The following SLITRK3 variants were observed in gnomAD, a reference collection of about 807,000 sequenced individuals.
SLITRK3 encodes SLIT and NTRK-like protein 3.
In SLITRK3, 16 loss-of-function variants were observed where a neutral mutation model predicts 63.6. The observed-to-expected ratio is 0.25, with a 90% CI of 0.17 to 0.38. The LOEUF (loss-of-function observed/expected upper bound fraction) is 0.38. SLITRK3 is among the 10% of genes least tolerant of loss of function. The probability of loss-of-function intolerance (pLI) is 1.00; values close to 1 mark genes in which losing one functional copy is unlikely to be tolerated. For missense variants in SLITRK3, 1,117 were observed against 1,181.4 expected (o/e 0.95, Z 0.80); for synonymous variants, 547 against 451.6 (o/e 1.21, Z -2.68).
intron 1 of SLITRK3, among the ~76,000 whole-genome samples, chr3:165,194,666 G>A (rs1446028786): frequency 6.6e-6 from 1 of 151,928 alleles, no homozygotes; most frequent in Non-Finnish European, 1.5e-5. Flanking sequence ...GTGCAGAGGC[G>A]GTGACTATTT....
Position 165,189,869 on chromosome 3 carries a change from G to A in SLITRK3, c.962C>T (p.Ala321Val), listed in dbSNP as rs767562341. ...TGAGGACTTGTATTCGACAGAAGAA[G>A]CAGTAAAATGAACAGAGGATAGCAT... is the stretch of plus-strand genomic sequence containing the variant. ...SSMLSSVHFTASSVEYKSSNK... is the reference protein window; with the variant it reads ...SSMLSSVHFTVSSVEYKSSNK... The change falls in exon 2 of 2, where the codon GCT becomes GTT. Residue 321 changes from alanine to valine, a missense_variant. Physicochemically the swap from Ala to Val is moderately conservative, Grantham distance 64. This residue lies in a region of SLITRK3 where 452 missense variants were observed against 495.3 expected (regional missense o/e 0.91). Coordinates refer to ENST00000475390, the MANE Select transcript of SLITRK3 (RefSeq NM_001318810.2). The surrounding 1 kb of genome is among the most constrained non-coding windows in gnomAD (Gnocchi z 4.0). 2 of 1,614,166 alleles carry A rather than the reference G, an allele frequency of 1.2e-6. No homozygotes were observed. Among genetic ancestry groups the A allele is most frequent in the Admixed American group, 1.7e-5 (1 of 60,020 alleles).
chr3:165,187,211 AGTGTGTGT>A lies in SLITRK3; in HGVS notation c.*678_*685del, dbSNP rs34713758. On this transcript the variant is annotated 3_prime_UTR_variant, in exon 2 of 2. Transcript: ENST00000475390. ...ATTGAGTTGAATGGAAATGGTATGG[AGTGTGTGT>A]GTGTGTGTGTGTGTGTGTGTGTGTG... 2,572 of 141,252 alleles carry A rather than the reference AGTGTGTGT, an allele frequency of 0.018. 69 individuals carry two copies. Among genetic ancestry groups the A allele is most frequent in the African/African-American group, 0.06 (2,249 of 37,726 alleles). 8.7% of individuals were successfully genotyped at this position (141,252 alleles called of 1,614,324 possible).
At position 165,195,676 on chromosome 3, in the gene SLITRK3, A is replaced by C. The variant is rs566794067; in HGVS notation, c.-118T>G. 6.5e-6 allele frequency: 1 copy of C among 152,834 alleles called. No homozygotes were observed. Among genetic ancestry groups the C allele is most frequent in the South Asian group, 2.1e-4 (1 of 4,830 alleles). 9.5% of individuals were successfully genotyped at this position (152,834 alleles called of 1,614,324 possible). A position where few individuals can be genotyped will look rare whatever the true frequency, so the allele number is the denominator to read the frequency against. On this transcript the variant is annotated 5_prime_UTR_variant, in exon 1 of 2. Transcript: ENST00000475390. Reference sequence around the variant, plus strand: ...TGCGAAGCTGAATTGTATCCATCATACTGTAGCCTTGTAGCTTCTCCTCTT... The same window carrying C: ...TGCGAAGCTGAATTGTATCCATCATCCTGTAGCCTTGTAGCTTCTCCTCTT...
chr3:165,193,880 G>T (rs563668679), intron 1 of SLITRK3, among the ~76,000 whole-genome samples: 2 of 152,282 alleles, frequency 1.3e-5, no homozygotes, highest in African/African-American at 2.4e-5. Flanking sequence ...ATCCTAGGGA[G>T]TAGTGGGAGT....
At chr3:165,191,632 G>A (rs1417266000) in intron 1 of SLITRK3, among the ~76,000 whole-genome samples, 2 of 152,124 alleles carry the variant, frequency 1.3e-5, no homozygotes, top group Non-Finnish European at 2.9e-5. Flanking sequence ...TAAAAAACAT[G>A]CCCGTGCAAT....
intron 1 of SLITRK3, among the ~76,000 whole-genome samples, chr3:165,194,707 G>A (rs1341990699): frequency 6.6e-6 from 1 of 151,832 alleles, no homozygotes; most frequent in African/African-American, 2.4e-5. Flanking sequence ...ATGATGTGAT[G>A]GAATCGATGG....
In SLITRK3 at chr3:165,190,222, T is replaced by G; in HGVS notation, c.609A>C (p.Leu203=). ...FKAVSLTHLD[L]RGNRLKVLFY... Reference sequence around the variant, plus strand: ...AAAGAACCTTTAACCTATTTCCACGTAGGTCCAAATGGGTTAAAGAGACAG... The same window carrying G: ...AAAGAACCTTTAACCTATTTCCACGGAGGTCCAAATGGGTTAAAGAGACAG... Residue 203 remains leucine (L), a synonymous_variant, in exon 2 of 2, where the codon CTA becomes CTC. Coordinates refer to ENST00000475390, the MANE Select transcript of SLITRK3 (RefSeq NM_001318810.2). 1 of 1,614,198 alleles carries G rather than the reference T, an allele frequency of 6.2e-7. No homozygotes were observed. The highest frequency in any genetic ancestry group is 8.5e-7 in the Non-Finnish European group (1 of 1,180,036).
chr3:165,189,420 G>A lies in SLITRK3; in HGVS notation c.1411C>T (p.Leu471=), dbSNP rs1476809442. The change falls in exon 2 of 2, where the codon CTG becomes TTG. Residue 471 remains leucine, a synonymous_variant. Transcript: ENST00000475390. The surrounding 1 kb of genome is among the most constrained non-coding windows in gnomAD (Gnocchi z 4.0). ...LFLNGNDIEK[L]TPGMFRGLQS... ...AGGCCTCGGAACATGCCTGGTGTCAGCTTCTCTATATCGTTGCCATTAAGG... is the reference window on the plus strand; with the variant it reads ...AGGCCTCGGAACATGCCTGGTGTCAACTTCTCTATATCGTTGCCATTAAGG... 5.6e-6 allele frequency: 9 copies of A among 1,613,308 alleles called. No individual in the cohort carries two copies. Among genetic ancestry groups the A allele is most frequent in the Non-Finnish European group, 7.6e-6 (9 of 1,180,038 alleles).
At position 165,188,012 on chromosome 3, in the gene SLITRK3, C is replaced by T; in HGVS notation, c.2819G>A (p.Gly940Glu). ...GGTTTGGTGGTCTGTGAAGCCCTTT[C>T]CAGCCGAGAAGAGAAGGGTTTCTTT... ...RLKETLLFSA[G>E]KGFTDHQTQK... The change falls in exon 2 of 2, where the codon GGA (glycine) becomes GAA (glutamate). Residue 940 changes from glycine (G) to glutamate (E), a missense_variant. Gly to Glu is a moderately conservative substitution (Grantham distance 98). Coordinates refer to ENST00000475390, the MANE Select transcript of SLITRK3 (RefSeq NM_001318810.2). 3 of 1,613,958 alleles carry T rather than the reference C, an allele frequency of 1.9e-6. No individual in the cohort carries two copies. The highest frequency in any genetic ancestry group is 1.7e-6 in the Non-Finnish European group (2 of 1,179,994).
In SLITRK3 at chr3:165,186,881, G is replaced by C. The variant is rs1008024272; in HGVS notation, c.*1016C>G. On this transcript the variant is annotated 3_prime_UTR_variant, in exon 2 of 2. Coordinates refer to ENST00000475390, the MANE Select transcript of SLITRK3 (RefSeq NM_001318810.2). ...GTGTGTGAGAGAGAAAACATTAAAA[G>C]TGCTTCCTACAAAGCTGTTAGTGAT... The C allele has an allele frequency of 6.6e-6, 1 of 152,260 alleles. No homozygotes were observed. Among genetic ancestry groups the C allele is most frequent in the Admixed American group, 6.6e-5 (1 of 15,232 alleles). 9.4% of individuals were successfully genotyped at this position (152,260 alleles called of 1,614,324 possible). A position where few individuals can be genotyped will look rare whatever the true frequency, so the allele number is the denominator to read the frequency against.
In SLITRK3 at chr3:165,189,031, A is replaced by T; in HGVS notation, c.1800T>A (p.Arg600=). 1 of 1,614,148 alleles carries T rather than the reference A, an allele frequency of 6.2e-7. No homozygotes were observed. Among genetic ancestry groups the T allele is most frequent in the Non-Finnish European group, 8.5e-7 (1 of 1,180,036 alleles). The change falls in exon 2 of 2, where the codon CGT becomes CGA. Residue 600 remains arginine (R), a synonymous_variant. Transcript: ENST00000475390. The surrounding 1 kb of genome is among the most constrained non-coding windows in gnomAD (Gnocchi z 4.0). ...LCRSPENLTH[R]DVRTIELEVL... is the part of the protein sequence containing the mutation. ...CTTCCAGCTCAATAGTGCGCACATC[A>T]CGGTGCGTGAGGTTCTCAGGGCTCC...
At position 165,193,465 on chromosome 3, in the gene SLITRK3, G is replaced by A. The variant is rs192831314; in HGVS notation, c.-22+2115C>T. 2.5e-3 allele frequency among the ~76,000 whole-genome samples: 387 copies of A among 151,982 alleles called. 1 individual carries two copies. Among genetic ancestry groups the A allele is most frequent in the African/African-American group, 9.2e-3 (380 of 41,450 alleles). On this transcript the variant is annotated intron_variant, in intron 1 of 1. Coordinates refer to ENST00000475390, the MANE Select transcript of SLITRK3 (RefSeq NM_001318810.2). ...CCATTCCCTGCAATGACGGGGATGG[G>A]GGGAAATCCAGGTCCCCAAAGCAGA...
chr3:165,189,191 A>G lies in SLITRK3; in HGVS notation c.1640T>C (p.Val547Ala). 6.2e-7 allele frequency: 1 copy of G among 1,614,170 alleles called. No individual in the cohort carries two copies. Among genetic ancestry groups the G allele is most frequent in the Non-Finnish European group, 8.5e-7 (1 of 1,180,022 alleles). Residue 547 changes from valine (V) to alanine (A), a missense_variant, in exon 2 of 2, where the codon GTC (valine) becomes GCC (alanine). This residue lies in a region of SLITRK3 where 158 missense variants were observed against 197.2 expected (regional missense o/e 0.80). Coordinates refer to ENST00000475390, the MANE Select transcript of SLITRK3 (RefSeq NM_001318810.2). This position sits in a 1 kb window ranked among gnomAD's most constrained non-coding sequence, Gnocchi z 4.0. ...GACAATGGCATTCAAGTGTTCCAGG[A>G]CACCAGCCACGGGAAGATAGAGGAA... is the stretch of plus-strand genomic sequence containing the variant. ...NYFLYLPVAGVLEHLNAIVQI... is the reference protein window; with the variant it reads ...NYFLYLPVAGALEHLNAIVQI...
rs751075128 is a variant in SLITRK3 at position 165,188,123 on chromosome 3, A to T, written c.2708T>A (p.Leu903His). Residue 903 changes from leucine to histidine, a missense_variant, in exon 2 of 2, where the codon CTC becomes CAC. Leu to His is a moderately conservative substitution (Grantham distance 99). Around this residue, in one of 4 missense-constraint regions of SLITRK3, gnomAD observed 499 missense variants for 463.6 expected, o/e 1.08. Coordinates refer to ENST00000475390, the MANE Select transcript of SLITRK3 (RefSeq NM_001318810.2). ...APCTVGFVDCLYGTVPKLKEL... is the reference protein window; with the variant it reads ...APCTVGFVDCHYGTVPKLKEL... ...CTTTAATTTGGGCACTGTTCCATAG[A>T]GACAGTCCACAAATCCCACTGTGCA... 3 of 1,613,022 alleles carry T rather than the reference A, an allele frequency of 1.9e-6. No individual in the cohort carries two copies. The highest frequency in any genetic ancestry group is 2.5e-6 in the Non-Finnish European group (3 of 1,179,758).
Position 165,187,789 on chromosome 3 carries a change from G to A in SLITRK3, c.*108C>T, listed in dbSNP as rs779084904. 1.6e-5 allele frequency: 14 copies of A among 891,154 alleles called. No individual in the cohort carries two copies. In the East Asian group the frequency reaches 1.8e-4, roughly 11 times the overall value. 55.2% of individuals were successfully genotyped at this position (891,154 alleles called of 1,614,324 possible). A position where few individuals can be genotyped will look rare whatever the true frequency, so the allele number is the denominator to read the frequency against. ...AGTTTTGTTCAGGGTAGGAAAGATC[G>A]TGAGGATGGAGTTACTGGGACAAGT... On this transcript the variant is annotated 3_prime_UTR_variant, in exon 2 of 2. Coordinates refer to ENST00000475390, the MANE Select transcript of SLITRK3 (RefSeq NM_001318810.2).
In SLITRK3 at chr3:165,193,106, AGTGTGT is replaced by A. The variant is rs35240347; in HGVS notation, c.-21-2261_-21-2256del. Among the ~76,000 whole-genome samples, 799 of 143,404 alleles carry A rather than the reference AGTGTGT, an allele frequency of 5.6e-3. 3 individuals are homozygous for A. Among genetic ancestry groups the A allele is most frequent in the Non-Finnish European group, 8.2e-3 (540 of 65,564 alleles). The allele number at this position is 143,404 out of a possible 152,430, so 94.1% of individuals were successfully genotyped here. On this transcript the variant is annotated intron_variant, in intron 1 of 1. Coordinates refer to ENST00000475390, the MANE Select transcript of SLITRK3 (RefSeq NM_001318810.2). ...GAACCCCTGACTATACAGTTGAGTG[AGTGTGT>A]GTGTGTGTGTGTGTGTGTGTGTGTG...
rs145181693 is a variant in SLITRK3 at position 165,189,834 on chromosome 3, G to A, written c.997C>T (p.Pro333Ser). ...GTTCGAGGCTGTTTGGTGGGCTTAGGCTGTTTATTTGAGGACTTGTATTCG... is the reference window on the plus strand; with the variant it reads ...GTTCGAGGCTGTTTGGTGGGCTTAGACTGTTTATTTGAGGACTTGTATTCG... ...SVEYKSSNKQPKPTKQPRTPR... is the reference protein window; with the variant it reads ...SVEYKSSNKQSKPTKQPRTPR... The change falls in exon 2 of 2, where the codon CCT (proline) becomes TCT (serine). Residue 333 changes from proline to serine, a missense_variant. Transcript: ENST00000475390. This position sits in a 1 kb window ranked among gnomAD's most constrained non-coding sequence, Gnocchi z 4.0. 1.2e-6 allele frequency: 2 copies of A among 1,614,010 alleles called. No individual in the cohort carries two copies. The highest frequency in any genetic ancestry group is 2.7e-5 in the African/African-American group (2 of 74,900).
At chr3:165,190,876 T>A in intron 1 of SLITRK3, 25 bp from the exon 2 acceptor site, 1 of 1,496,262 alleles carries the variant, frequency 6.7e-7, no homozygotes, top group Non-Finnish European at 8.9e-7. Context: ...AAAATGCAGA[T>A]TTTTAGCTTT....
In SLITRK3 at chr3:165,189,818, T is replaced by A. The variant is rs1335464490; in HGVS notation, c.1013A>T (p.Gln338Leu). 1.2e-6 allele frequency: 2 copies of A among 1,614,096 alleles called. No homozygotes were observed. The highest frequency in any genetic ancestry group is 1.7e-6 in the Non-Finnish European group (2 of 1,180,022). ...SSNKQPKPTK[Q>L]PRTPRPPSTS... ...GGAGGGTGGCCTTGGTGTTCGAGGC[T>A]GTTTGGTGGGCTTAGGCTGTTTATT... is the stretch of plus-strand genomic sequence containing the variant. Residue 338 changes from glutamine to leucine, a missense_variant, in exon 2 of 2, where the codon CAG (glutamine) becomes CTG (leucine). Gln to Leu is a moderately radical substitution (Grantham distance 113). This residue lies in a region of SLITRK3 where 452 missense variants were observed against 495.3 expected (regional missense o/e 0.91). Transcript: ENST00000475390. The surrounding 1 kb of genome is among the most constrained non-coding windows in gnomAD (Gnocchi z 4.0).
Sources: gnomAD v4.1 joint callset for allele counts (sites outside exome capture counted in the v4.1 genomes callset) on GRCh38, gnomAD v4.1.1 for gene constraint, gnomAD v4.1.1 regional missense constraint, Gnocchi (gnomAD v3.1) non-coding constraint, MANE v1.5 for transcripts, NCBI Gene and HGNC (gene_info 2026-07-23, HGNC 2026-07-21) for gene names.